The following SCHIP1 variants were observed in gnomAD, a reference collection of about 807,000 sequenced individuals.
SCHIP1 encodes schwannomin-interacting protein 1.
Under a neutral mutation model 29.7 loss-of-function variants are expected in SCHIP1, and 8 were observed. The observed-to-expected ratio is 0.27, with a 90% CI of 0.16 to 0.49. The LOEUF (loss-of-function observed/expected upper bound fraction) is 0.49, where lower values mean the gene tolerates loss of function less well. Among genes scored for constraint, SCHIP1 ranks in the 20% least tolerant of loss-of-function variants. The pLI is 0.99. For missense variants in SCHIP1, 193 were observed against 294.6 expected (o/e 0.66, Z 2.52); for synonymous variants, 76 against 94.9 (o/e 0.80, Z 1.16).
chr3:159,421,111 C>A, the SCHIP1 span, among the ~76,000 whole-genome samples: 2 of 152,184 alleles, frequency 1.3e-5, no homozygotes, highest in Non-Finnish European at 2.9e-5. Context: ...TGCTCTCATT[C>A]CCCCTATGAT....
the SCHIP1 span, among the ~76,000 whole-genome samples, chr3:159,811,623 A>G: frequency 6.6e-6 from 1 of 152,204 alleles, no homozygotes; most frequent in African/African-American, 2.4e-5. Flanking sequence ...CTAGACTCTC[A>G]ATTCTGTTCC....
the SCHIP1 span, among the ~76,000 whole-genome samples, chr3:159,564,793 C>A: frequency 3.3e-5 from 5 of 152,150 alleles, no homozygotes; most frequent in African/African-American, 9.7e-5. Flanking sequence ...TTTCATATGG[C>A]AGTACTTTGT....
the SCHIP1 span, among the ~76,000 whole-genome samples, chr3:159,393,782 G>T: frequency 6.6e-5 from 10 of 151,682 alleles, no homozygotes; most frequent in Middle Eastern, 3.4e-3. Flanking sequence ...GCTTAGGATT[G>T]ACTTGGCGAT....
the SCHIP1 span, among the ~76,000 whole-genome samples, chr3:159,659,811 A>C: frequency 6.6e-6 from 1 of 152,240 alleles, no homozygotes; most frequent in Non-Finnish European, 1.5e-5. Flanking sequence ...GGCAGAACAG[A>C]AAGTGGCATG....
At chr3:159,664,688 A>G in the SCHIP1 span, among the ~76,000 whole-genome samples, 1 of 152,216 alleles carries the variant, frequency 6.6e-6, no homozygotes, top group Non-Finnish European at 1.5e-5. Context: ...CCTATAGGGT[A>G]GAGAGAGCAC....
chr3:159,491,438 T>G, the SCHIP1 span, among the ~76,000 whole-genome samples: 4 of 152,184 alleles, frequency 2.6e-5, no homozygotes, highest in African/African-American at 9.7e-5. Flanking sequence ...GTTTAACAAA[T>G]GGCACACCAG....
At chr3:159,657,969 C>T in the SCHIP1 span, among the ~76,000 whole-genome samples, 2 of 152,346 alleles carry the variant, frequency 1.3e-5, no homozygotes, top group Non-Finnish European at 2.9e-5. Flanking sequence ...TTGGCAGATG[C>T]AGCAGCCTGT....
At chr3:159,518,850 T>C in the SCHIP1 span, among the ~76,000 whole-genome samples, 3 of 152,116 alleles carry the variant, frequency 2.0e-5, no homozygotes, top group African/African-American at 7.2e-5. Flanking sequence ...TTAAGAAAGA[T>C]AAAATAATTT....
the SCHIP1 span, among the ~76,000 whole-genome samples, chr3:159,759,164 T>C: frequency 7.5e-4 from 115 of 152,346 alleles, no homozygotes; most frequent in African/African-American, 2.6e-3. Context: ...TTAAAGGACA[T>C]ATTTTCATTA....
chr3:159,617,141 T>C, the SCHIP1 span, among the ~76,000 whole-genome samples: 1 of 152,278 alleles, frequency 6.6e-6, no homozygotes, highest in East Asian at 1.9e-4. Context: ...AAAATACAAT[T>C]CTTTCCTGTG....
At chr3:159,767,280 C>T in the SCHIP1 span, among the ~76,000 whole-genome samples, 150 of 152,288 alleles carry the variant, frequency 9.8e-4, no homozygotes, top group African/African-American at 3.5e-3. Context: ...TAGTGTATTG[C>T]AGGGAGTCAT....
chr3:159,501,763 G>C, the SCHIP1 span, among the ~76,000 whole-genome samples: 17 of 152,006 alleles, frequency 1.1e-4, no homozygotes, highest in Admixed American at 1.1e-3. Context: ...TAATTTATTT[G>C]AAAAACTAGT....
At chr3:159,681,415 T>C in the SCHIP1 span, among the ~76,000 whole-genome samples, 1 of 152,218 alleles carries the variant, frequency 6.6e-6, no homozygotes, top group Non-Finnish European at 1.5e-5. Context: ...AAGTCTTTGC[T>C]GAGACTATGA....
the SCHIP1 span, among the ~76,000 whole-genome samples, chr3:159,335,028 T>C: frequency 2.0e-5 from 3 of 151,922 alleles, no homozygotes; most frequent in African/African-American, 7.3e-5. Context: ...GCCTTCTGAG[T>C]AGCTGGGATT....
At chr3:159,540,810 A>T in the SCHIP1 span, among the ~76,000 whole-genome samples, 1 of 152,114 alleles carries the variant, frequency 6.6e-6, no homozygotes, top group Non-Finnish European at 1.5e-5. Flanking sequence ...TTATGTGTTT[A>T]TCAAGGCATG....
the SCHIP1 span, among the ~76,000 whole-genome samples, chr3:159,633,726 C>A: frequency 6.6e-6 from 1 of 151,960 alleles, no homozygotes; most frequent in Non-Finnish European, 1.5e-5. Flanking sequence ...AATATATATC[C>A]TATACACTCT....
At chr3:159,331,024 G>T in the SCHIP1 span, among the ~76,000 whole-genome samples, 1 of 152,132 alleles carries the variant, frequency 6.6e-6, no homozygotes, top group African/African-American at 2.4e-5. Flanking sequence ...ATGCCTATTA[G>T]GTATGTCTTG....
the SCHIP1 span, among the ~76,000 whole-genome samples, chr3:159,353,270 A>G: frequency 6.6e-6 from 1 of 152,180 alleles, no homozygotes; most frequent in South Asian, 2.1e-4. Context: ...TATGTAACAA[A>G]CCTGCACGTT....
the SCHIP1 span, among the ~76,000 whole-genome samples, chr3:159,714,912 C>A: frequency 6.6e-6 from 1 of 152,228 alleles, no homozygotes; most frequent in East Asian, 1.9e-4. Context: ...TCCCATCATG[C>A]AGTTTGAAAT....
Sources: allele counts gnomAD v4.1 joint callset (sites outside exome capture counted in the v4.1 genomes callset), GRCh38; gene constraint gnomAD v4.1.1; transcripts MANE v1.5; gene names NCBI Gene and HGNC (gene_info 2026-07-23, HGNC 2026-07-21).